The following SEPTIN9 variants were observed in gnomAD, a reference collection of about 807,000 sequenced individuals.
The protein encoded by SEPTIN9 is septin 9, also known as septin-9.
Under a neutral mutation model 56.6 loss-of-function variants are expected in SEPTIN9, and 13 were observed. The observed-to-expected ratio is 0.23, with a 90% confidence interval of 0.15 to 0.37. SEPTIN9 has a LOEUF of 0.37. Among genes scored for constraint, SEPTIN9 ranks in the 10% least tolerant of loss-of-function variants. The probability of loss-of-function intolerance (pLI) is 1.00; values close to 1 mark genes in which losing one functional copy is unlikely to be tolerated. For missense variants in SEPTIN9, 650 were observed against 823.1 expected (o/e 0.79, Z 2.57); for synonymous variants, 332 against 334.1 (o/e 0.99, Z 0.07).
At chr17:77,459,173 G>T (rs970664772) in intron 3 of SEPTIN9, among the ~76,000 whole-genome samples, 5 of 152,194 alleles carry the variant, frequency 3.3e-5, no homozygotes, top group African/African-American at 1.2e-4. Flanking sequence ...CTTCCTGCCC[G>T]CCTGGGAAGA....
intron 2 of SEPTIN9, among the ~76,000 whole-genome samples, chr17:77,388,881 G>C (rs1458825474): frequency 6.3e-5 from 9 of 142,142 alleles, no homozygotes; most frequent in African/African-American, 2.4e-4. Context: ...ACAATGAGAC[G>C]AGGAGGGAGG....
In SEPTIN9 at chr17:77,445,298, C is replaced by G. The variant is rs577741549; in HGVS notation, c.722-36846C>G. 77 of 466,556 alleles carry G rather than the reference C, an allele frequency of 1.7e-4. 2 individuals are homozygous for G. Among genetic ancestry groups the G allele is most frequent in the South Asian group, 1.2e-3 (77 of 64,550 alleles). The allele number at this position is 466,556 out of a possible 1,614,324, so 28.9% of individuals were successfully genotyped here. ...CAGCCCTTTCCTCCGCACCCCCATG[C>G]AGAAGCGCGGCCGCCAGCTCACAAA... is the stretch of plus-strand genomic sequence containing the variant. On this transcript the variant is annotated intron_variant, in intron 3 of 11. Coordinates refer to ENST00000427177, the MANE Select transcript of SEPTIN9 (RefSeq NM_001113491.2). This position sits in a 1 kb window ranked among gnomAD's most constrained non-coding sequence, Gnocchi z 4.7.
intron 2 of SEPTIN9, among the ~76,000 whole-genome samples, chr17:77,343,149 G>A (rs1888676949): frequency 6.6e-6 from 1 of 152,200 alleles, no homozygotes; most frequent in Non-Finnish European, 1.5e-5. Flanking sequence ...GTGGCTGGAG[G>A]CTCCTGGACA....
rs2039157128 is a variant in SEPTIN9, at chr17:77,475,200, G to T, written c.722-6944G>T. The T allele has an allele frequency of 1.6e-6, 2 of 1,225,338 alleles. No individual in the cohort carries two copies. Among genetic ancestry groups the T allele is most frequent in the Non-Finnish European group, 2.0e-6 (2 of 976,864 alleles). 75.9% of individuals were successfully genotyped at this position (1,225,338 alleles called of 1,614,324 possible). On this transcript the variant is annotated intron_variant, in intron 3 of 11. Transcript: ENST00000427177. This position sits in a 1 kb window ranked among gnomAD's most constrained non-coding sequence, Gnocchi z 4.6. ...AGGTGTCTGGCTTCACAAACCCTGT[G>T]TGGGGGGGTTGTGGTGAGAGGAAAC... is the stretch of plus-strand genomic sequence containing the variant.
intron 2 of SEPTIN9, among the ~76,000 whole-genome samples, chr17:77,331,566 G>T (rs1349402190): frequency 6.6e-6 from 1 of 152,240 alleles, no homozygotes; most frequent in African/African-American, 2.4e-5. Flanking sequence ...GAACTCGGGT[G>T]CAGAAAGCCT....
At chr17:77,398,854 T>C (rs189161886) in intron 2 of SEPTIN9, among the ~76,000 whole-genome samples, 3 of 152,074 alleles carry the variant, frequency 2.0e-5, no homozygotes, top group African/African-American at 2.4e-5. Flanking sequence ...TGAGAGCTAG[T>C]GGGCATGGGA....
chr17:77,387,819 A>C lies in SEPTIN9; in HGVS notation c.77-14240A>C, dbSNP rs1416490361. Among the ~76,000 whole-genome samples the C allele has an allele frequency of 1.4e-4, 21 of 152,120 alleles. No individual in the cohort carries two copies. The East Asian group carries it at 3.5e-3, about 25-fold the overall frequency. ...AGCAGGACACTTGTCACTTCTGTGGACAGATTCCAGAGGCTCATGAATCTG... is the reference window on the plus strand; with the variant it reads ...AGCAGGACACTTGTCACTTCTGTGGCCAGATTCCAGAGGCTCATGAATCTG... On this transcript the variant is annotated intron_variant, in intron 2 of 11. Coordinates refer to ENST00000427177, the MANE Select transcript of SEPTIN9 (RefSeq NM_001113491.2).
chr17:77,480,139 A>C (rs1291472146), intron 3 of SEPTIN9, among the ~76,000 whole-genome samples: 2 of 152,194 alleles, frequency 1.3e-5, no homozygotes, highest in Admixed American at 6.5e-5. Context: ...TATTGCTCTC[A>C]GCAGTGGAGA....
rs1176034086 is a variant in SEPTIN9 at position 77,377,391 on chromosome 17, C to T, written c.77-24668C>T. Reference sequence around the variant, plus strand: ...TCGCAAACACGATTACAACTCGGGTCTTTGTGTAACAAAAGCCTTTCCAAG... The same window carrying T: ...TCGCAAACACGATTACAACTCGGGTTTTTGTGTAACAAAAGCCTTTCCAAG... On this transcript the variant is annotated intron_variant, in intron 2 of 11. Transcript: ENST00000427177. Among the ~76,000 whole-genome samples, 3 of 152,098 alleles carry T rather than the reference C, an allele frequency of 2.0e-5. No individual in the cohort carries two copies. The East Asian group carries it at 5.8e-4, about 29-fold the overall frequency.
intron 3 of SEPTIN9, among the ~76,000 whole-genome samples, chr17:77,479,216 A>G (rs1391201384): frequency 6.6e-6 from 1 of 152,272 alleles, no homozygotes; most frequent in African/African-American, 2.4e-5. Flanking sequence ...TGAGCAGCGC[A>G]GGCCTCGGAC....
Position 77,400,015 on chromosome 17 carries a change from T to A in SEPTIN9, c.77-2044T>A, listed in dbSNP as rs1175387981. On this transcript the variant is annotated intron_variant, in intron 2 of 11. Coordinates refer to ENST00000427177, the MANE Select transcript of SEPTIN9 (RefSeq NM_001113491.2). The surrounding 1 kb of genome is among the most constrained non-coding windows in gnomAD (Gnocchi z 4.1). ...AGTTTGTGGAGACAGAGTCTCGCTC[T>A]GTCAGTCAGGCTGAGTGCAGTGACA... is the stretch of plus-strand genomic sequence containing the variant. Among the ~76,000 whole-genome samples the A allele has an allele frequency of 6.6e-6, 1 of 152,182 alleles. No individual in the cohort carries two copies. The highest frequency in any genetic ancestry group is 1.5e-5 in the Non-Finnish European group (1 of 68,026).
chr17:77,289,556 G>C (rs2031441728), intron 1 of SEPTIN9, among the ~76,000 whole-genome samples: 1 of 151,806 alleles, frequency 6.6e-6, no homozygotes, highest in South Asian at 2.1e-4. Context: ...TTACAGGCCT[G>C]CGTCACCATG....
At chr17:77,338,719 G>A (rs760508289) in intron 2 of SEPTIN9, among the ~76,000 whole-genome samples, 10 of 152,156 alleles carry the variant, frequency 6.6e-5, no homozygotes, top group African/African-American at 1.4e-4. Flanking sequence ...GCACCTGGCC[G>A]GCAGTTTCTT....
chr17:77,387,638 A>C (rs1020057061), intron 2 of SEPTIN9, among the ~76,000 whole-genome samples: 6 of 152,102 alleles, frequency 3.9e-5, no homozygotes, highest in African/African-American at 1.4e-4. Context: ...TGAGGTTCTC[A>C]TCTCAGGTCC....
At chr17:77,393,806 G>A (rs759355129) in intron 2 of SEPTIN9, among the ~76,000 whole-genome samples, 6 of 151,978 alleles carry the variant, frequency 3.9e-5, no homozygotes, top group East Asian at 1.9e-4. Flanking sequence ...GGCTGGTCTC[G>A]AACTCCTGAC....
intron 2 of SEPTIN9, among the ~76,000 whole-genome samples, chr17:77,335,607 G>A (rs2033521078): frequency 6.7e-6 from 1 of 149,824 alleles, no homozygotes; most frequent in Non-Finnish European, 1.5e-5. Flanking sequence ...TATACATGTA[G>A]GCCCCATGTT....
intron 4 of SEPTIN9, among the ~76,000 whole-genome samples, chr17:77,485,768 T>C (rs142981430): frequency 1.2e-3 from 190 of 152,142 alleles, no homozygotes; most frequent in African/African-American, 4.3e-3. Context: ...CCAGCCTCTG[T>C]CCTCCCAGGA....
rs2034667441 is a variant in SEPTIN9, at chr17:77,369,831, G to A, written c.77-32228G>A. On this transcript the variant is annotated intron_variant, in intron 2 of 11. Coordinates refer to ENST00000427177, the MANE Select transcript of SEPTIN9 (RefSeq NM_001113491.2). The surrounding 1 kb of genome is among the most constrained non-coding windows in gnomAD (Gnocchi z 4.9). The stretch of plus-strand genomic sequence containing the variant: ...GTGCCTGGAGGGGGGTCATGGATAT[G>A]GATGTGTGCGCCAAACGCTGCTTCC... 6.6e-6 allele frequency among the ~76,000 whole-genome samples: 1 copy of A among 152,212 alleles called. No individual in the cohort carries two copies. Among genetic ancestry groups the A allele is most frequent in the South Asian group, 2.1e-4 (1 of 4,828 alleles).
intron 3 of SEPTIN9, among the ~76,000 whole-genome samples, chr17:77,473,962 T>C (rs981808178): frequency 6.6e-6 from 1 of 152,238 alleles, no homozygotes; most frequent in Admixed American, 6.5e-5. Flanking sequence ...TGAGGTCTGC[T>C]CACCTCTGCA....
Sources: allele counts gnomAD v4.1 joint callset (sites outside exome capture counted in the v4.1 genomes callset), GRCh38; gene constraint gnomAD v4.1.1; non-coding constraint Gnocchi (gnomAD v3.1); transcripts MANE v1.5; gene names NCBI Gene and HGNC (gene_info 2026-07-23, HGNC 2026-07-21).